PDE1A: variants seen among roughly 807,000 people sequenced by gnomAD.
PDE1A encodes dual specificity calcium/calmodulin-dependent 3',5'-cyclic nucleotide phosphodiesterase 1A.
Under a neutral mutation model 61.7 loss-of-function variants are expected in PDE1A, and 35 were observed. That is an observed-to-expected ratio of 0.57 (90% CI 0.43 to 0.75). The LOEUF (loss-of-function observed/expected upper bound fraction) is 0.75, where lower values mean the gene tolerates loss of function less well. Among genes scored for constraint, PDE1A ranks in the 30% least tolerant of loss-of-function variants. The probability of loss-of-function intolerance (pLI) is 0.00; values close to 1 mark genes in which losing one functional copy is unlikely to be tolerated. For synonymous variants in PDE1A, 232 were observed against 213.2 expected (o/e 1.09, Z -0.77); for missense variants, 597 against 630.6 (o/e 0.95, Z 0.57).
At chr2:182,601,726 G>A in the PDE1A span, among the ~76,000 whole-genome samples, 1 of 152,252 alleles carries the variant, frequency 6.6e-6, no homozygotes, top group Non-Finnish European at 1.5e-5. Context: ...CTCTGGGTTG[G>A]GTGGCTCCTC....
chr2:182,242,893 T>TCCCC (rs34752164), intron 2 of PDE1A, among the ~76,000 whole-genome samples: 1 of 117,826 alleles, frequency 8.5e-6, no homozygotes, highest in Non-Finnish European at 1.7e-5. Context: ...CCTCTCTCTC[T>TCCCC]CTCTCCCTCT....
chr2:182,201,204 C>T (rs1389674007), intron 10 of PDE1A, among the ~76,000 whole-genome samples: 1 of 152,044 alleles, frequency 6.6e-6, no homozygotes, highest in African/African-American at 2.4e-5. Flanking sequence ...TTTTTCTTTC[C>T]TGACAGTAGC....
intron 2 of PDE1A, among the ~76,000 whole-genome samples, chr2:182,519,107 T>C (rs1690394034): frequency 1.3e-5 from 2 of 152,044 alleles, no homozygotes; most frequent in African/African-American, 4.8e-5. Context: ...ATCAATGAAA[T>C]TGACAATCTT....
intron 2 of PDE1A, among the ~76,000 whole-genome samples, chr2:182,484,543 C>T (rs966957745): frequency 1.3e-5 from 2 of 151,980 alleles, no homozygotes; most frequent in Non-Finnish European, 2.9e-5. Context: ...AGCTTCTTCA[C>T]AGCCAAAGGA....
chr2:182,525,590 T>C (rs186001629), upstream of PDE1A, among the ~76,000 whole-genome samples: 144 of 152,280 alleles, frequency 9.5e-4, 1 homozygote, highest in East Asian at 0.018. Context: ...ATGTGCCTGC[T>C]TCTCCTTCAC....
the PDE1A span, among the ~76,000 whole-genome samples, chr2:182,708,336 TAA>T: frequency 1.2e-4 from 18 of 152,018 alleles, no homozygotes; most frequent in African/African-American, 4.1e-4. Flanking sequence ...ACCATAACAA[TAA>T]GTTATTATGT....
chr2:182,267,390 G>A (rs1326717879), intron 1 of PDE1A, among the ~76,000 whole-genome samples: 3 of 151,268 alleles, frequency 2.0e-5, no homozygotes, highest in African/African-American at 7.3e-5. Context: ...ATCGCATATA[G>A]TTATAACTCA....
intron 13 of PDE1A, among the ~76,000 whole-genome samples, chr2:182,181,541 C>A (rs894817864): frequency 9.9e-5 from 15 of 152,182 alleles, no homozygotes; most frequent in East Asian, 3.9e-4. Context: ...AAGTCAGGAA[C>A]CTGCTTGAGG....
intron 1 of PDE1A, among the ~76,000 whole-genome samples, chr2:182,326,136 C>T (rs188543498): frequency 6.6e-6 from 1 of 152,114 alleles, no homozygotes; most frequent in African/African-American, 2.4e-5. Context: ...TTAAAAAGAA[C>T]AGAAAATAAG....
At chr2:182,411,286 G>A (rs1260034418) in intron 1 of PDE1A, among the ~76,000 whole-genome samples, 2 of 152,066 alleles carry the variant, frequency 1.3e-5, no homozygotes, top group Non-Finnish European at 2.9e-5. Context: ...TTTTTTGTCT[G>A]CCTCCTTCCA....
chr2:182,586,655 T>C, the PDE1A span, among the ~76,000 whole-genome samples: 3 of 152,200 alleles, frequency 2.0e-5, no homozygotes, highest in Non-Finnish European at 4.4e-5. Flanking sequence ...CTCTACTGAC[T>C]AGATACTGCC....
chr2:182,278,212 C>T (rs969876445), intron 1 of PDE1A, among the ~76,000 whole-genome samples: 3 of 151,970 alleles, frequency 2.0e-5, no homozygotes, highest in Admixed American at 6.6e-5. Flanking sequence ...CACATTTTCA[C>T]ACTTAAGGAT....
At chr2:182,376,448 T>C (rs1700409412) in intron 1 of PDE1A, among the ~76,000 whole-genome samples, 1 of 152,194 alleles carries the variant, frequency 6.6e-6, no homozygotes, top group Non-Finnish European at 1.5e-5. Flanking sequence ...TTGCTCCAGT[T>C]CTCAACAAGT....
chr2:182,679,423 A>T, the PDE1A span, among the ~76,000 whole-genome samples: 3 of 147,818 alleles, frequency 2.0e-5, no homozygotes, highest in Non-Finnish European at 1.5e-5. Flanking sequence ...CTGGTCTTGA[A>T]ATCCTAACCT....
chr2:182,546,057 A>G, the PDE1A span, among the ~76,000 whole-genome samples: 9 of 152,164 alleles, frequency 5.9e-5, no homozygotes, highest in South Asian at 2.1e-4. Flanking sequence ...GGCTGAGGAA[A>G]GTTATTTGAA....
At chr2:182,146,998 T>C (rs1478414138), downstream of PDE1A, 40 of 903,120 alleles carry the variant, frequency 4.4e-5, no homozygotes, top group Non-Finnish European at 6.5e-5. Context: ...AACCATTTAC[T>C]TTAGAAGTTA....
intron 13 of PDE1A, among the ~76,000 whole-genome samples, chr2:182,171,403 A>G (rs1692200660): frequency 1.3e-5 from 2 of 151,962 alleles, no homozygotes; most frequent in African/African-American, 4.8e-5. Flanking sequence ...TAGGGAAACC[A>G]TCAGGCTTTT....
chr2:182,394,961 C>CAT (rs1237328989), intron 1 of PDE1A, among the ~76,000 whole-genome samples: 1 of 152,204 alleles, frequency 6.6e-6, no homozygotes, highest in East Asian at 1.9e-4. Context: ...ATTTCCATAA[C>CAT]ATCCATATTC....
Position 182,403,611 on chromosome 2 carries a change from A to G in PDE1A, c.53+22967T>C, listed in dbSNP as rs1272593939. Among the ~76,000 whole-genome samples, 8 of 150,380 alleles carry G rather than the reference A, an allele frequency of 5.3e-5. 1 individual carries two copies. The highest frequency in any genetic ancestry group is 1.2e-4 in the Non-Finnish European group (8 of 67,888). On this transcript the variant is annotated intron_variant, in intron 1 of 13. Coordinates refer to ENST00000351439, the Ensembl canonical transcript of PDE1A. ...CAGACTCCGTCTCAAAAAAAAAAAA[A>G]AAAGAAAATGTGGCACATATACACC...
Sources: allele counts gnomAD v4.1 joint callset (sites outside exome capture counted in the v4.1 genomes callset), GRCh38; gene constraint gnomAD v4.1.1; transcripts MANE v1.5; gene names NCBI Gene and HGNC (gene_info 2026-07-23, HGNC 2026-07-21).